SAP130: variants seen among roughly 807,000 people sequenced by gnomAD.
The protein encoded by SAP130 is histone deacetylase complex subunit SAP130.
In SAP130, 16 loss-of-function variants were observed where a neutral mutation model predicts 103.2. The observed-to-expected ratio is 0.16, with a 90% CI of 0.10 to 0.24. SAP130 has a LOEUF of 0.24. SAP130 is among the 10% of genes least tolerant of loss of function. SAP130 has a pLI of 1.00. For missense variants in SAP130, 990 were observed against 1,359.7 expected, an observed-to-expected ratio of 0.73 and a Z score of 4.28; for synonymous variants, 477 against 497.0, an observed-to-expected ratio of 0.96 and a Z score of 0.53.
chr2:127,987,881 G>A (rs969036125), intron 13 of SAP130, among the ~76,000 whole-genome samples: 1 of 152,148 alleles, frequency 6.6e-6, no homozygotes, highest in African/African-American at 2.4e-5. Context: ...AAATACTGGT[G>A]AGCATGAGAT....
Position 127,956,912 on chromosome 2 carries a change from T to G in SAP130, c.2064-1568A>C, listed in dbSNP as rs1349327364. ...GTCACAGAAGTTTCTGTGTTGTTGT[T>G]GAGTGAGAGAAGACAAAAACAAAAA... is the stretch of plus-strand genomic sequence containing the variant. On this transcript the variant is annotated intron_variant, in intron 15 of 20. Transcript: ENST00000643581. 2.0e-5 allele frequency among the ~76,000 whole-genome samples: 3 copies of G among 152,224 alleles called. No homozygotes were observed. The East Asian group carries it at 5.8e-4, about 29-fold the overall frequency.
At chr2:127,974,546 G>A (rs1681319726) in intron 15 of SAP130, among the ~76,000 whole-genome samples, 1 of 152,196 alleles carries the variant, frequency 6.6e-6, no homozygotes, top group Non-Finnish European at 1.5e-5. Context: ...GGGCGCGGTG[G>A]TGCACGCCTG....
intron 2 of SAP130, among the ~76,000 whole-genome samples, chr2:128,018,332 C>CCAA (rs1553516706): frequency 2.0e-4 from 24 of 120,720 alleles, no homozygotes; most frequent in African/African-American, 5.9e-4. Flanking sequence ...AAAAAAAAAA[C>CCAA]AAACCAAAAA....
chr2:127,944,359 T>A (rs1443222018), intron 19 of SAP130, among the ~76,000 whole-genome samples: 3 of 152,026 alleles, frequency 2.0e-5, no homozygotes, highest in Non-Finnish European at 4.4e-5. Flanking sequence ...TAAAAAAAAA[T>A]TTTAACTTTT....
At chr2:127,975,178 T>G (rs1430646934) in intron 15 of SAP130, among the ~76,000 whole-genome samples, 1 of 152,210 alleles carries the variant, frequency 6.6e-6, no homozygotes, top group African/African-American at 2.4e-5. Context: ...CCATAAACAG[T>G]TCTGCATAAA....
intron 16 of SAP130, among the ~76,000 whole-genome samples, chr2:127,951,361 G>C (rs925362761): frequency 3.7e-4 from 56 of 152,040 alleles, no homozygotes; most frequent in African/African-American, 1.4e-3. Flanking sequence ...CCACTCTGCT[G>C]CCCACTCCCA....
At chr2:127,971,630 T>C (rs1681101921) in intron 15 of SAP130, among the ~76,000 whole-genome samples, 1 of 152,218 alleles carries the variant, frequency 6.6e-6, no homozygotes, top group Non-Finnish European at 1.5e-5. Context: ...TACTCTCTTG[T>C]GCAGTTTTAA....
At chr2:127,957,950 GAAAT>G (rs1001141985) in intron 15 of SAP130, among the ~76,000 whole-genome samples, 7 of 152,138 alleles carry the variant, frequency 4.6e-5, no homozygotes, top group African/African-American at 1.7e-4. Flanking sequence ...AATCATGAAA[GAAAT>G]AATACATTAA....
Position 127,953,730 on chromosome 2 carries a change from T to G in SAP130, c.2422+1256A>C, listed in dbSNP as rs1211822034. The stretch of plus-strand genomic sequence containing the variant: ...CCCGGATATCCTCATGGCCAGGAAC[T>G]TCATTTCTTTAATGTCTCTACTCAA... On this transcript the variant is annotated intron_variant, in intron 16 of 20. Coordinates refer to ENST00000643581, the MANE Select transcript of SAP130 (RefSeq NM_001330301.2). This position sits in a 1 kb window ranked among gnomAD's most constrained non-coding sequence, Gnocchi z 4.0. 6.6e-6 allele frequency among the ~76,000 whole-genome samples: 1 copy of G among 152,168 alleles called. No individual in the cohort carries two copies. Among genetic ancestry groups the G allele is most frequent in the African/African-American group, 2.4e-5 (1 of 41,432 alleles).
At chr2:127,948,630 C>G (rs1679291011) in intron 18 of SAP130, among the ~76,000 whole-genome samples, 1 of 151,992 alleles carries the variant, frequency 6.6e-6, no homozygotes, top group African/African-American at 2.4e-5. Context: ...GCGTGAATCA[C>G]CGCGCCTGGC....
intron 2 of SAP130, among the ~76,000 whole-genome samples, chr2:128,024,883 AAAT>A (rs1685397194): frequency 6.6e-6 from 1 of 151,738 alleles, no homozygotes; most frequent in African/African-American, 2.4e-5. Flanking sequence ...TGTCTCAAAA[AAAT>A]TAAAAAAATA....
intron 15 of SAP130, among the ~76,000 whole-genome samples, chr2:127,963,923 A>G (rs1202981720): frequency 6.6e-6 from 1 of 152,248 alleles, no homozygotes; most frequent in Non-Finnish European, 1.5e-5. Context: ...AGTTCAATGT[A>G]AAAAACTCCT....
chr2:127,998,089 T>C (rs984180005), intron 10 of SAP130, among the ~76,000 whole-genome samples: 8 of 147,662 alleles, frequency 5.4e-5, no homozygotes, highest in East Asian at 2.0e-4. Context: ...GCCTGCATAA[T>C]AGAGTGAGAC....
rs756006581 is a variant in SAP130 at position 127,986,959 on chromosome 2, A to G, written c.1784T>C (p.Val595Ala). ...QPQPEGKTSA[V>A]VLADGATIVA... ...AATTGTGGCTCCATCTGCCAACACC[A>G]CTGCTACAGGAGAGAGGCAACAGGA... The change falls in exon 14 of 21, where the codon GTG (valine) becomes GCG (alanine). Residue 595 changes from valine (V) to alanine (A), a missense_variant. Coordinates refer to ENST00000643581, the MANE Select transcript of SAP130 (RefSeq NM_001330301.2). This position sits in a 1 kb window ranked among gnomAD's most constrained non-coding sequence, Gnocchi z 4.7. The G allele has an allele frequency of 6.2e-7, 1 of 1,611,842 alleles. No individual in the cohort carries two copies. Among genetic ancestry groups the G allele is most frequent in the Non-Finnish European group, 8.5e-7 (1 of 1,178,122 alleles).
intron 7 of SAP130, among the ~76,000 whole-genome samples, chr2:128,006,924 G>A (rs963885040): frequency 6.6e-6 from 1 of 152,114 alleles, no homozygotes; most frequent in African/African-American, 2.4e-5. Flanking sequence ...GGAATTTATT[G>A]TAGTTGTAGA....
chr2:127,965,486 G>A (rs765384322), intron 15 of SAP130, among the ~76,000 whole-genome samples: 4 of 151,562 alleles, frequency 2.6e-5, no homozygotes, highest in Non-Finnish European at 5.9e-5. Context: ...CAAAAAAAGT[G>A]AGGGGTGGAG....
At chr2:128,027,093 T>G (rs768828242) in intron 1 of SAP130, 5 of 1,434,270 alleles carry the variant, frequency 3.5e-6, no homozygotes, top group Non-Finnish European at 4.6e-6. Flanking sequence ...CCTCTTTACC[T>G]GTAGCCGCCG....
chr2:127,942,572 G>GTC lies in SAP130; in HGVS notation c.2902-36_2902-35insGA. On this transcript the variant is annotated intron_variant, in intron 19 of 20. Coordinates refer to ENST00000643581, the MANE Select transcript of SAP130 (RefSeq NM_001330301.2). This position sits in a 1 kb window ranked among gnomAD's most constrained non-coding sequence, Gnocchi z 4.8. ...ACAAAAGGGAGGGTATCATAAGCTC[G>GTC]GAAATATTTTTCTATGTCAACCCCA... 1 of 1,319,116 alleles carries GTC rather than the reference G, an allele frequency of 7.6e-7. No individual in the cohort carries two copies. The highest frequency in any genetic ancestry group is 1.1e-6 in the Non-Finnish European group (1 of 912,688). 81.7% of individuals were successfully genotyped at this position (1,319,116 alleles called of 1,614,324 possible).
chr2:127,968,720 T>C (rs979019453), intron 15 of SAP130, among the ~76,000 whole-genome samples: 2 of 152,116 alleles, frequency 1.3e-5, no homozygotes, highest in African/African-American at 4.8e-5. Flanking sequence ...TTCACCATGT[T>C]GGCCAGGCTA....
Sources: allele counts gnomAD v4.1 joint callset (sites outside exome capture counted in the v4.1 genomes callset), GRCh38; gene constraint gnomAD v4.1.1; non-coding constraint Gnocchi (gnomAD v3.1); transcripts MANE v1.5; gene names NCBI Gene and HGNC (gene_info 2026-07-23, HGNC 2026-07-21).